Variants in POLDIP3 observed in about 807,000 individuals in gnomAD.
POLDIP3 encodes polymerase delta-interacting protein 3.
POLDIP3 carries 14 observed loss-of-function variants against 45.1 expected under a neutral mutation model. That is an observed-to-expected ratio of 0.31 (90% CI 0.20 to 0.49). POLDIP3 has a LOEUF of 0.49. Ranked by LOEUF, POLDIP3 falls within the 20% of genes least tolerant of loss-of-function variation. The probability of loss-of-function intolerance (pLI) is 0.99; values close to 1 mark genes in which losing one functional copy is unlikely to be tolerated. For missense variants in POLDIP3, 511 were observed against 538.8 expected (o/e 0.95, Z 0.51); for synonymous variants, 223 against 205.2 (o/e 1.09, Z -0.74).
chr22:42,609,624 G>A (rs1464561900), intron 1 of POLDIP3, among the ~76,000 whole-genome samples: 1 of 152,090 alleles, frequency 6.6e-6, no homozygotes, highest in Non-Finnish European at 1.5e-5. Flanking sequence ...TTAACCCATG[G>A]GTTTAAAATC....
intron 8 of POLDIP3, among the ~76,000 whole-genome samples, chr22:42,587,092 A>AAAAC (rs142095433): frequency 7.6e-4 from 115 of 150,892 alleles, no homozygotes; most frequent in African/African-American, 2.2e-3. Context: ...GAAAAAGCAA[A>AAAAC]AAACAAACAA....
chr22:42,610,161 C>CA (rs1927034615), intron 1 of POLDIP3, among the ~76,000 whole-genome samples: 1 of 151,996 alleles, frequency 6.6e-6, no homozygotes, highest in African/African-American at 2.4e-5. Flanking sequence ...GCAGCAAGAG[C>CA]AAAACTCTGT....
chr22:42,590,372 CAG>C (rs1925587664), intron 7 of POLDIP3, among the ~76,000 whole-genome samples: 1 of 152,050 alleles, frequency 6.6e-6, no homozygotes, highest in African/African-American at 2.4e-5. Context: ...TTTTTTGAGA[CAG>C]GGTCTTGCCA....
chr22:42,593,332 C>G (rs1925784180), intron 6 of POLDIP3, among the ~76,000 whole-genome samples: 1 of 152,104 alleles, frequency 6.6e-6, no homozygotes, highest in Admixed American at 6.6e-5. Flanking sequence ...TACCATTGTC[C>G]TTTTAACATT....
chr22:42,596,283 G>A lies in POLDIP3; in HGVS notation c.716C>T (p.Pro239Leu). Residue 239 changes from proline (P) to leucine (L), a missense_variant, in exon 5 of 9, where the codon CCT becomes CTT. This residue lies in a region of POLDIP3 where 378 missense variants were observed against 352.3 expected (regional missense o/e 1.07). Coordinates refer to ENST00000252115, the MANE Select transcript of POLDIP3 (RefSeq NM_032311.5). ...KVVQNDAYTAPALPSSIRTKA... is the reference protein window; with the variant it reads ...KVVQNDAYTALALPSSIRTKA... ...TGTTCGAATAGAGGAAGGGAGAGCA[G>A]GAGCTGTGTATGCATCATTCTGAAC... is the stretch of plus-strand genomic sequence containing the variant. 1 of 1,614,142 alleles carries A rather than the reference G, an allele frequency of 6.2e-7. No individual in the cohort carries two copies. Among genetic ancestry groups the A allele is most frequent in the Non-Finnish European group, 8.5e-7 (1 of 1,179,968 alleles).
At chr22:42,604,579 C>A (rs1200417884) in intron 1 of POLDIP3, among the ~76,000 whole-genome samples, 1 of 152,184 alleles carries the variant, frequency 6.6e-6, no homozygotes, top group Non-Finnish European at 1.5e-5. Flanking sequence ...ACTGCCTGGA[C>A]CTCCCAGGAG....
Position 42,596,133 on chromosome 22 carries a change from T to A in POLDIP3, c.813+53A>T. On this transcript the variant is annotated intron_variant, in intron 5 of 8. Transcript: ENST00000252115. ...TGTGGGGAACACAATGAGGTACATA[T>A]AAGCATACAGCCCTCCTGACCCCAA... 1.9e-6 allele frequency: 3 copies of A among 1,570,736 alleles called. No individual in the cohort carries two copies. In the Admixed American group the frequency reaches 5.1e-5, roughly 27 times the overall value.
chr22:42,595,193 G>A (rs548108572), intron 6 of POLDIP3, among the ~76,000 whole-genome samples: 2 of 152,350 alleles, frequency 1.3e-5, no homozygotes, highest in Admixed American at 1.3e-4. Flanking sequence ...GCTACACAGA[G>A]AATGCCGAAG....
At chr22:42,588,635 T>C (rs1470525466) in intron 7 of POLDIP3, among the ~76,000 whole-genome samples, 5 of 150,834 alleles carry the variant, frequency 3.3e-5, no homozygotes, top group Non-Finnish European at 7.4e-5. Context: ...TCTTTCTTTT[T>C]TTTTTTTTTT....
In POLDIP3 at chr22:42,602,049, T is replaced by G. The variant is rs1926422340; in HGVS notation, c.458A>C (p.Gln153Pro). The change falls in exon 3 of 9, where the codon CAG (glutamine) becomes CCG (proline). Residue 153 changes from glutamine to proline, a missense_variant. Transcript: ENST00000252115. ...ATGAAGTGGTGCCATGGCTTTCTGC[T>G]GTGGAACCTGGAAACACTCAGTGGT... is the stretch of plus-strand genomic sequence containing the variant. The part of the protein sequence containing the change: ...LKLTKTIQVP[Q>P]QKAMAPLHPH... The G allele has an allele frequency of 1.2e-6, 2 of 1,614,074 alleles. No homozygotes were observed. The highest frequency in any genetic ancestry group is 2.7e-5 in the African/African-American group (2 of 74,940).
chr22:42,588,456 CAAAA>C (rs137093), intron 7 of POLDIP3, among the ~76,000 whole-genome samples: 62 of 101,508 alleles, frequency 6.1e-4, no homozygotes, highest in Middle Eastern at 0.01. Flanking sequence ...GACTCCACCT[CAAAA>C]AAAAAAAAAA....
intron 7 of POLDIP3, 106 bp from the exon 8 acceptor site, chr22:42,587,678 G>A (rs1925398739): frequency 3.8e-6 from 4 of 1,039,560 alleles, no homozygotes; most frequent in Non-Finnish European, 5.9e-6. Flanking sequence ...ACCCACCACT[G>A]GCAGTTCTGG....
At chr22:42,614,676 C>A (rs1225757675) in intron 1 of POLDIP3, 123 bp downstream of exon 1, 3 of 1,083,520 alleles carry the variant, frequency 2.8e-6, no homozygotes, top group African/African-American at 3.3e-5. Context: ...CAATGAGGAG[C>A]GCGGCTGTGG....
intron 6 of POLDIP3, 32 bp downstream of exon 6, chr22:42,595,505 G>C (rs577523406): frequency 1.3e-6 from 2 of 1,598,522 alleles, no homozygotes; most frequent in African/African-American, 2.7e-5. Flanking sequence ...GGCAGTTTGA[G>C]ATTTAAATGT....
intron 3 of POLDIP3, among the ~76,000 whole-genome samples, chr22:42,600,482 C>G (rs186603876): frequency 1.3e-5 from 2 of 151,642 alleles, no homozygotes; most frequent in Non-Finnish European, 2.9e-5. Context: ...AACAATGAGC[C>G]GGGCATGGTG....
At chr22:42,609,685 C>T (rs755324103) in intron 1 of POLDIP3, among the ~76,000 whole-genome samples, 3 of 152,128 alleles carry the variant, frequency 2.0e-5, no homozygotes, top group Non-Finnish European at 4.4e-5. Context: ...CGCACCACTG[C>T]ACTCCAGCCT....
At chr22:42,607,435 A>C (rs1926809095) in intron 1 of POLDIP3, among the ~76,000 whole-genome samples, 1 of 152,186 alleles carries the variant, frequency 6.6e-6, no homozygotes, top group South Asian at 2.1e-4. Flanking sequence ...GCTGGAATGC[A>C]GTGGAGTGAT....
chr22:42,587,683 T>C (rs1569294832), intron 7 of POLDIP3, 111 bp from the exon 8 acceptor site: 1 of 1,014,776 alleles, frequency 9.9e-7, no homozygotes, highest in East Asian at 2.4e-5. Flanking sequence ...CCACTGGCAG[T>C]TCTGGCTCCA....
rs9623638 is a variant in POLDIP3 at position 42,608,614 on chromosome 22, G to T, written c.60-5454C>A. Among the ~76,000 whole-genome samples the T allele has an allele frequency of 1.7e-3, 252 of 152,212 alleles. 2 individuals carry two copies. The highest frequency in any genetic ancestry group is 5.8e-3 in the African/African-American group (243 of 41,542). On this transcript the variant is annotated intron_variant, in intron 1 of 8. Coordinates refer to ENST00000252115, the MANE Select transcript of POLDIP3 (RefSeq NM_032311.5). ...ATCTTAGGACTCCGGTCATGCCCAGGGATACGGAGCACTCTCTAGCGACCA... is the reference window on the plus strand; with the variant it reads ...ATCTTAGGACTCCGGTCATGCCCAGTGATACGGAGCACTCTCTAGCGACCA...
Sources: allele counts gnomAD v4.1 joint callset (sites outside exome capture counted in the v4.1 genomes callset), GRCh38; gene constraint gnomAD v4.1.1; regional missense constraint gnomAD v4.1.1; transcripts MANE v1.5; gene names NCBI Gene and HGNC (gene_info 2026-07-23, HGNC 2026-07-21).